The following DLGAP4 variants were observed in gnomAD, a reference collection of about 807,000 sequenced individuals.
The protein encoded by DLGAP4 is DLG associated protein 4.
DLGAP4 carries 18 observed loss-of-function variants against 86.9 expected under a neutral mutation model. The ratio of observed to expected loss-of-function variants is 0.21; its 90% CI spans 0.14 to 0.31. The LOEUF (loss-of-function observed/expected upper bound fraction) is 0.31. Among genes scored for constraint, DLGAP4 ranks in the 10% least tolerant of loss-of-function variants. DLGAP4 has a pLI of 1.00. For synonymous variants in DLGAP4, 548 were observed against 574.3 expected (o/e 0.95, Z 0.65); for missense variants, 1,085 against 1,362.6 (o/e 0.80, Z 3.21).
At chr20:36,321,703 G>A (rs1305742279) in intron 1 of DLGAP4, among the ~76,000 whole-genome samples, 1 of 152,206 alleles carries the variant, frequency 6.6e-6, no homozygotes, top group Non-Finnish European at 1.5e-5. Flanking sequence ...TTGGGAGAAC[G>A]AGCATGGGGA....
chr20:36,518,466 A>T (rs2037174390), intron 10 of DLGAP4, among the ~76,000 whole-genome samples: 1 of 151,864 alleles, frequency 6.6e-6, no homozygotes, highest in South Asian at 2.1e-4. Flanking sequence ...CTTAAATTGG[A>T]AGCTAATTCA....
At chr20:36,332,596 G>T (rs1183715262) in intron 1 of DLGAP4, among the ~76,000 whole-genome samples, 1 of 151,992 alleles carries the variant, frequency 6.6e-6, no homozygotes, top group Admixed American at 6.5e-5. Context: ...TGCCATGTTG[G>T]TCAGGCTGGT....
At chr20:36,488,509 C>T (rs986847266) in intron 7 of DLGAP4, among the ~76,000 whole-genome samples, 4 of 152,104 alleles carry the variant, frequency 2.6e-5, no homozygotes, top group African/African-American at 9.7e-5. Flanking sequence ...CACTGCAAGC[C>T]TGTGGTCATA....
Position 36,308,226 on chromosome 20 carries a change from C to T in DLGAP4, c.-304+1714C>T, listed in dbSNP as rs924752445. ...GCAACTCAACTTCTGGGAGTGTGCC[C>T]GTGTGTGGTGTCCATGGCGACCCCG... On this transcript the variant is annotated intron_variant, in intron 1 of 12. Coordinates refer to ENST00000339266, the MANE Select transcript of DLGAP4 (RefSeq NM_001365621.2). This position sits in a 1 kb window ranked among gnomAD's most constrained non-coding sequence, Gnocchi z 4.5. Among the ~76,000 whole-genome samples the T allele has an allele frequency of 6.6e-6, 1 of 152,126 alleles. No individual in the cohort carries two copies. The highest frequency in any genetic ancestry group is 1.5e-5 in the Non-Finnish European group (1 of 68,028).
At chr20:36,495,865 A>G (rs565222100) in intron 7 of DLGAP4, among the ~76,000 whole-genome samples, 1 of 151,750 alleles carries the variant, frequency 6.6e-6, no homozygotes, top group East Asian at 1.9e-4. Context: ...TTGTTTGTTC[A>G]TGTGTTTGTT....
At chr20:36,396,382 TACACAC>T (rs2031966625) in intron 2 of DLGAP4, among the ~76,000 whole-genome samples, 1 of 5,230 alleles carries the variant, frequency 1.9e-4, no homozygotes, top group African/African-American at 7.9e-4. Flanking sequence ...ACACCCCACA[TACACAC>T]ATGCCACATA....
At chr20:36,385,090 G>T (rs2031547183) in intron 2 of DLGAP4, among the ~76,000 whole-genome samples, 4 of 152,146 alleles carry the variant, frequency 2.6e-5, no homozygotes, top group Admixed American at 6.5e-5. Flanking sequence ...TTGGCAGTAG[G>T]ACTCAGGCTG....
intron 1 of DLGAP4, among the ~76,000 whole-genome samples, chr20:36,332,357 G>A (rs868982350): frequency 2.0e-5 from 3 of 151,790 alleles, no homozygotes; most frequent in East Asian, 1.9e-4. Flanking sequence ...TGTCCCGCCC[G>A]TTCCGTTTTT....
At chr20:36,456,360 G>A (rs987439905) in intron 7 of DLGAP4, among the ~76,000 whole-genome samples, 1 of 152,212 alleles carries the variant, frequency 6.6e-6, no homozygotes, top group African/African-American at 2.4e-5. Context: ...ACAAGCATGG[G>A]TAATGAAGGT....
chr20:36,330,261 T>A (rs1349319495), intron 1 of DLGAP4, among the ~76,000 whole-genome samples: 2 of 151,912 alleles, frequency 1.3e-5, no homozygotes, highest in Admixed American at 1.3e-4. Flanking sequence ...GAGGGTTTTG[T>A]GGGGGAGGTT....
At chr20:36,411,707 G>T (rs1569490568) in intron 2 of DLGAP4, among the ~76,000 whole-genome samples, 3 of 152,138 alleles carry the variant, frequency 2.0e-5, no homozygotes, top group Non-Finnish European at 4.4e-5. Context: ...GGGGCAGGGG[G>T]CATCAAGCCC....
intron 7 of DLGAP4, among the ~76,000 whole-genome samples, chr20:36,467,070 C>G (rs541227676): frequency 9.5e-5 from 13 of 137,210 alleles, no homozygotes; most frequent in African/African-American, 2.7e-4. Context: ...CTCTCCCCCC[C>G]CCTTCTCTCG....
At chr20:36,370,491 A>G (rs2030884076) in intron 2 of DLGAP4, among the ~76,000 whole-genome samples, 1 of 151,948 alleles carries the variant, frequency 6.6e-6, no homozygotes, top group Non-Finnish European at 1.5e-5. Context: ...GTCTCAAAAA[A>G]AAAAGTATTA....
At chr20:36,340,520 C>G (rs1426183968) in intron 1 of DLGAP4, among the ~76,000 whole-genome samples, 1 of 152,184 alleles carries the variant, frequency 6.6e-6, no homozygotes, top group Non-Finnish European at 1.5e-5. Flanking sequence ...GTCCCCAGTG[C>G]CCCCGACACC....
rs1491246846 is a variant in DLGAP4, at chr20:36,528,445, G to GC, written c.*1414_*1415insC. 202 of 126,656 alleles carry GC rather than the reference G, an allele frequency of 1.6e-3. No homozygotes were observed. The highest frequency in any genetic ancestry group is 5.2e-3 in the African/African-American group (148 of 28,334). The allele number at this position is 126,656 out of a possible 1,614,324, so 7.8% of individuals were successfully genotyped here. A position where few individuals can be genotyped will look rare whatever the true frequency, so the allele number is the denominator to read the frequency against. Reference sequence around the variant, plus strand: ...TTGGCTGGCGCTTGCTGCAGGGGGGGACCCCCCCCCGTCCCCAGGTGAACC... The same window carrying GC: ...TTGGCTGGCGCTTGCTGCAGGGGGGGCACCCCCCCCCGTCCCCAGGTGAACC... On this transcript the variant is annotated 3_prime_UTR_variant, in exon 13 of 13. Transcript: ENST00000339266.
At chr20:36,476,776 T>G (rs1164310596) in intron 7 of DLGAP4, among the ~76,000 whole-genome samples, 4 of 148,756 alleles carry the variant, frequency 2.7e-5, no homozygotes, top group Non-Finnish European at 5.9e-5. Context: ...GGCACAATCT[T>G]GGCTCACCGC....
At chr20:36,435,731 C>T (rs567386008) in intron 3 of DLGAP4, among the ~76,000 whole-genome samples, 60 of 152,322 alleles carry the variant, frequency 3.9e-4, no homozygotes, top group African/African-American at 1.3e-3. Context: ...AAGTGCCTTG[C>T]GTCCCTCAGG....
At chr20:36,361,294 G>C (rs782249905) in intron 1 of DLGAP4, among the ~76,000 whole-genome samples, 5 of 152,278 alleles carry the variant, frequency 3.3e-5, no homozygotes, top group Non-Finnish European at 5.9e-5. Flanking sequence ...TGAGCTAAAA[G>C]GTTCTGTGTA....
chr20:36,467,058 C>CTT (rs2034434842), intron 7 of DLGAP4, among the ~76,000 whole-genome samples: 2 of 124,754 alleles, frequency 1.6e-5, no homozygotes, highest in African/African-American at 7.4e-5. Flanking sequence ...CTCTCTCTCT[C>CTT]TCTCTCCCCC....
Sources: allele counts gnomAD v4.1 joint callset (sites outside exome capture counted in the v4.1 genomes callset), GRCh38; gene constraint gnomAD v4.1.1; non-coding constraint Gnocchi (gnomAD v3.1); transcripts MANE v1.5; gene names NCBI Gene and HGNC (gene_info 2026-07-23, HGNC 2026-07-21).